The following UBAC2 variants were observed in gnomAD, a reference collection of about 807,000 sequenced individuals.
The protein encoded by UBAC2 is UBA domain containing 2, also known as ubiquitin-associated domain-containing protein 2.
In UBAC2, 26 loss-of-function variants were observed where a neutral mutation model predicts 44.0. The observed-to-expected ratio is 0.59, with a 90% CI of 0.43 to 0.82. The LOEUF (loss-of-function observed/expected upper bound fraction) is 0.82, where lower values mean the gene tolerates loss of function less well. Among genes scored for constraint, UBAC2 ranks in the 40% least tolerant of loss-of-function variants. The pLI is 0.00. For synonymous variants in UBAC2, 155 were observed against 154.3 expected, an observed-to-expected ratio of 1.00 and a Z score of -0.04; for missense variants, 329 against 419.4, an observed-to-expected ratio of 0.78 and a Z score of 1.88.
intron 6 of UBAC2, among the ~76,000 whole-genome samples, chr13:99,336,320 C>T (rs1214799487): frequency 6.6e-6 from 1 of 152,146 alleles, no homozygotes; most frequent in Non-Finnish European, 1.5e-5. Flanking sequence ...TGGCATACTA[C>T]AGCTTTTAAA....
chr13:99,385,458 C>T lies in UBAC2; in HGVS notation c.*123C>T. 1.3e-6 allele frequency: 1 copy of T among 744,068 alleles called. No homozygotes were observed. Among genetic ancestry groups the T allele is most frequent in the Non-Finnish European group, 2.3e-6 (1 of 438,940 alleles). The allele number at this position is 744,068 out of a possible 1,614,324, so 46.1% of individuals were successfully genotyped here. A position where few individuals can be genotyped will look rare whatever the true frequency, so the allele number is the denominator to read the frequency against. On this transcript the variant is annotated 3_prime_UTR_variant, in exon 9 of 9. Coordinates refer to ENST00000403766, the MANE Select transcript of UBAC2 (RefSeq NM_001144072.2). The stretch of plus-strand genomic sequence containing the variant: ...ATGTTCTTGTGGGAAGAGGGAGGTT[C>T]CACCGCACCCCTGCCCTCAACCGCA...
chr13:99,304,582 T>C (rs2044304094), intron 4 of UBAC2, among the ~76,000 whole-genome samples: 2 of 152,244 alleles, frequency 1.3e-5, no homozygotes, highest in Admixed American at 6.5e-5. Flanking sequence ...TGAAAGGTTC[T>C]TTATTACACC....
chr13:99,326,869 C>A (rs531475251), intron 6 of UBAC2, among the ~76,000 whole-genome samples: 1 of 152,258 alleles, frequency 6.6e-6, no homozygotes, highest in Non-Finnish European at 1.5e-5. Context: ...AGGCCCCATT[C>A]ATCAGCAATG....
intron 7 of UBAC2, among the ~76,000 whole-genome samples, chr13:99,358,569 A>C (rs945367516): frequency 6.6e-6 from 1 of 152,252 alleles, no homozygotes; most frequent in Non-Finnish European, 1.5e-5. Flanking sequence ...TTAATGAGTT[A>C]TTAAATATTT....
At chr13:99,284,343 C>A (rs1269582340) in intron 4 of UBAC2, among the ~76,000 whole-genome samples, 2 of 152,178 alleles carry the variant, frequency 1.3e-5, no homozygotes, top group African/African-American at 4.8e-5. Flanking sequence ...ACTGAAGAAA[C>A]TGCTGTTTCT....
intron 8 of UBAC2, among the ~76,000 whole-genome samples, chr13:99,379,907 A>G (rs1004243815): frequency 2.0e-5 from 3 of 152,242 alleles, no homozygotes; most frequent in Non-Finnish European, 4.4e-5. Flanking sequence ...AACACAGAGC[A>G]GAAAGTAAGC....
intron 1 of UBAC2, among the ~76,000 whole-genome samples, chr13:99,232,407 T>G (rs1375617975): frequency 7.2e-6 from 1 of 139,380 alleles, no homozygotes; most frequent in South Asian, 2.2e-4. Flanking sequence ...GAGATATAGA[T>G]ATATATATAT....
At chr13:99,296,003 C>A in intron 4 of UBAC2, 1 of 1,611,596 alleles carries the variant, frequency 6.2e-7, no homozygotes, top group Non-Finnish European at 8.5e-7. Context: ...TAGTAAGTTT[C>A]CCACGAGCCC....
intron 1 of UBAC2, among the ~76,000 whole-genome samples, chr13:99,206,188 C>T (rs889419935): frequency 5.9e-5 from 9 of 152,046 alleles, no homozygotes; most frequent in Admixed American, 2.0e-4. Flanking sequence ...CAGAGGTACT[C>T]GGGACACTTG....
chr13:99,228,956 C>T (rs1222089657), intron 1 of UBAC2, among the ~76,000 whole-genome samples: 1 of 152,300 alleles, frequency 6.6e-6, no homozygotes, highest in African/African-American at 2.4e-5. Flanking sequence ...GGTAAATTCG[C>T]CCCCAGGGAA....
chr13:99,380,979 C>T (rs1453963081), intron 8 of UBAC2, among the ~76,000 whole-genome samples: 7 of 152,252 alleles, frequency 4.6e-5, no homozygotes, highest in Non-Finnish European at 1.0e-4. Context: ...TGACAGCAGA[C>T]GCTCTCTTCT....
chr13:99,213,655 C>A (rs557622451), intron 1 of UBAC2, among the ~76,000 whole-genome samples: 1 of 151,812 alleles, frequency 6.6e-6, no homozygotes. Flanking sequence ...TCACTGCACC[C>A]GGTCGATTAT....
intron 8 of UBAC2, among the ~76,000 whole-genome samples, chr13:99,373,242 A>C (rs927916216): frequency 3.3e-5 from 5 of 150,984 alleles, no homozygotes; most frequent in African/African-American, 1.2e-4. Flanking sequence ...CAAATGATTA[A>C]ATTTTTCTCA....
chr13:99,204,969 T>TCTCA (rs1223616735), intron 1 of UBAC2, among the ~76,000 whole-genome samples: 1 of 146,872 alleles, frequency 6.8e-6, no homozygotes, highest in Non-Finnish European at 1.5e-5. Flanking sequence ...AGCGGTGTGA[T>TCTCA]CTCAGCTCAC....
At chr13:99,235,796 A>C (rs2043225920) in intron 1 of UBAC2, among the ~76,000 whole-genome samples, 2 of 151,990 alleles carry the variant, frequency 1.3e-5, no homozygotes, top group Admixed American at 1.3e-4. Flanking sequence ...TCAACATGGC[A>C]AGACTATTTC....
intron 6 of UBAC2, among the ~76,000 whole-genome samples, chr13:99,322,817 C>G (rs1186340006): frequency 6.6e-6 from 1 of 152,166 alleles, no homozygotes; most frequent in Non-Finnish European, 1.5e-5. Context: ...TTACAGAAGC[C>G]TTATCAGGGT....
intron 7 of UBAC2, among the ~76,000 whole-genome samples, chr13:99,341,392 G>A (rs1247726229): frequency 7.2e-6 from 1 of 138,400 alleles, no homozygotes; most frequent in African/African-American, 2.7e-5. Flanking sequence ...AGTCCCATTG[G>A]AGATGCAGGT....
intron 8 of UBAC2, among the ~76,000 whole-genome samples, chr13:99,382,917 C>T (rs1376662739): frequency 6.6e-6 from 1 of 152,060 alleles, no homozygotes; most frequent in African/African-American, 2.4e-5. Context: ...CCGAGAAAAG[C>T]CAGTGGGTTG....
chr13:99,242,146 C>T (rs1488650562), intron 2 of UBAC2, among the ~76,000 whole-genome samples: 2 of 149,978 alleles, frequency 1.3e-5, no homozygotes, highest in Non-Finnish European at 3.0e-5. Flanking sequence ...TCTTTCTACA[C>T]AGAGACGGCA....
Sources: gnomAD v4.1 joint callset for allele counts (sites outside exome capture counted in the v4.1 genomes callset) on GRCh38, gnomAD v4.1.1 for gene constraint, MANE v1.5 for transcripts, NCBI Gene and HGNC (gene_info 2026-07-23, HGNC 2026-07-21) for gene names.